Variants in PIEZO2 observed in about 807,000 individuals in gnomAD.
PIEZO2 encodes the protein piezo-type mechanosensitive ion channel component 2.
A neutral mutation model predicts 337.3 loss-of-function variants in PIEZO2; 172 were observed. That is an observed-to-expected ratio of 0.51 (90% CI 0.45 to 0.58). The LOEUF (loss-of-function observed/expected upper bound fraction) is 0.58, where lower values mean the gene tolerates loss of function less well. PIEZO2 is among the 20% of genes least tolerant of loss of function. The pLI, the probability that PIEZO2 is intolerant of heterozygous loss-of-function variation, is 0.00. For missense variants in PIEZO2, 3,028 were observed against 3,391.3 expected, an observed-to-expected ratio of 0.89 and a Z score of 2.66; for synonymous variants, 1,251 against 1,228.5, an observed-to-expected ratio of 1.02 and a Z score of -0.38.
In PIEZO2 at chr18:10,784,639, T is replaced by A. The variant is rs1315464926; in HGVS notation, c.2492+145A>T. 3 of 747,204 alleles carry A rather than the reference T, an allele frequency of 4.0e-6. No homozygotes were observed. The highest frequency in any genetic ancestry group is 4.1e-6 in the Non-Finnish European group (2 of 488,092). 46.3% of individuals were successfully genotyped at this position (747,204 alleles called of 1,614,324 possible). A position where few individuals can be genotyped will look rare whatever the true frequency, so the allele number is the denominator to read the frequency against. On this transcript the variant is annotated intron_variant, in intron 17 of 55. Coordinates refer to ENST00000674853, the MANE Select transcript of PIEZO2 (RefSeq NM_001378183.1). The surrounding 1 kb of genome is among the most constrained non-coding windows in gnomAD (Gnocchi z 4.5). ...TCACAGAATCTTCCACATGTTTTCC[T>A]CTTTTTCTCACAAGCTGATACTCAT...
intron 1 of PIEZO2, among the ~76,000 whole-genome samples, chr18:11,075,276 G>C (rs1344682807): frequency 6.6e-6 from 1 of 151,812 alleles, no homozygotes; most frequent in African/African-American, 2.4e-5. Flanking sequence ...GTTATTTTAT[G>C]AATAGAAAAA....
chr18:10,718,449 T>G (rs1464058802), intron 36 of PIEZO2, among the ~76,000 whole-genome samples, 190 bp from the exon 37 acceptor site: 2 of 152,262 alleles, frequency 1.3e-5, no homozygotes, highest in African/African-American at 4.8e-5. Flanking sequence ...ATAAAAATTA[T>G]GTAAATCAAG....
intron 2 of PIEZO2, among the ~76,000 whole-genome samples, chr18:11,041,641 T>C (rs2037125243): frequency 6.6e-6 from 1 of 152,370 alleles, no homozygotes; most frequent in East Asian, 1.9e-4. Flanking sequence ...CTACATTTTT[T>C]CATCATTTTT....
Position 10,850,277 on chromosome 18 carries a change from G to T in PIEZO2, c.917+5076C>A, listed in dbSNP as rs1355320479. Among the ~76,000 whole-genome samples, 1 of 152,158 alleles carries T rather than the reference G, an allele frequency of 6.6e-6. No individual in the cohort carries two copies. Among genetic ancestry groups the T allele is most frequent in the Admixed American group, 6.5e-5 (1 of 15,280 alleles). On this transcript the variant is annotated intron_variant, in intron 7 of 55. Transcript: ENST00000674853. This position sits in a 1 kb window ranked among gnomAD's most constrained non-coding sequence, Gnocchi z 4.5. The stretch of plus-strand genomic sequence containing the variant: ...GGTGAAAAGAAGGGATTACTCTAGA[G>T]AAAAATGAAACTCCAGCCCTGTGCC...
intron 40 of PIEZO2, among the ~76,000 whole-genome samples, chr18:10,706,364 C>T (rs1291039065): frequency 2.0e-5 from 3 of 152,160 alleles, no homozygotes; most frequent in African/African-American, 7.2e-5. Flanking sequence ...CTGTGCATCC[C>T]GTCTGCGGAA....
chr18:10,992,164 CT>C (rs1321723576), intron 2 of PIEZO2, among the ~76,000 whole-genome samples: 1 of 152,100 alleles, frequency 6.6e-6, no homozygotes, highest in Non-Finnish European at 1.5e-5. Context: ...CAAAAATTTT[CT>C]CCCATTCTGT....
intron 28 of PIEZO2, among the ~76,000 whole-genome samples, chr18:10,752,408 A>G (rs983781537): frequency 6.6e-6 from 1 of 152,248 alleles, no homozygotes; most frequent in African/African-American, 2.4e-5. Flanking sequence ...CTATGAACAC[A>G]TATCCTTTAG....
At chr18:11,141,545 T>C (rs1451934579) in intron 1 of PIEZO2, among the ~76,000 whole-genome samples, 1 of 152,126 alleles carries the variant, frequency 6.6e-6, no homozygotes, top group Non-Finnish European at 1.5e-5. Flanking sequence ...AGATGAAAAC[T>C]TAAGGGCAAA....
At chr18:10,960,952 G>A (rs2033748145) in intron 3 of PIEZO2, among the ~76,000 whole-genome samples, 1 of 152,156 alleles carries the variant, frequency 6.6e-6, no homozygotes, top group Non-Finnish European at 1.5e-5. Flanking sequence ...GCTGAGGCGG[G>A]CGGATCATGA....
chr18:10,969,871 G>A lies in PIEZO2; in HGVS notation c.286+9664C>T, dbSNP rs1388756002. ...GAATCGGTCACAAAACAAAGCAAGA[G>A]AGTCATCAAATTTTGTCTTTGCCAT... On this transcript the variant is annotated intron_variant, in intron 3 of 55. Transcript: ENST00000674853. This position sits in a 1 kb window ranked among gnomAD's most constrained non-coding sequence, Gnocchi z 4.5. Among the ~76,000 whole-genome samples the A allele has an allele frequency of 2.0e-5, 3 of 151,950 alleles. No homozygotes were observed. Among genetic ancestry groups the A allele is most frequent in the Non-Finnish European group, 2.9e-5 (2 of 68,026 alleles).
intron 47 of PIEZO2, 74 bp from the exon 48 acceptor site, chr18:10,691,457 A>G: frequency 6.9e-7 from 1 of 1,457,518 alleles, no homozygotes; most frequent in Non-Finnish European, 9.4e-7. Flanking sequence ...TGTCAAATTA[A>G]AACAACAGGC....
At chr18:10,893,429 C>T (rs2042810569) in intron 4 of PIEZO2, among the ~76,000 whole-genome samples, 2 of 151,710 alleles carry the variant, frequency 1.3e-5, no homozygotes, top group Non-Finnish European at 2.9e-5. Context: ...TCTTCCCTTC[C>T]CTGTGCAAAT....
chr18:10,927,856 A>AT (rs2031841904), intron 3 of PIEZO2, among the ~76,000 whole-genome samples: 1 of 152,064 alleles, frequency 6.6e-6, no homozygotes, highest in Non-Finnish European at 1.5e-5. Context: ...GCTTTATTTT[A>AT]TTTTATACTC....
intron 3 of PIEZO2, among the ~76,000 whole-genome samples, chr18:10,931,073 C>T (rs545635019): frequency 6.6e-6 from 1 of 152,214 alleles, no homozygotes; most frequent in South Asian, 2.1e-4. Context: ...GTGCAAGTCA[C>T]TCATGATTTG....
intron 3 of PIEZO2, among the ~76,000 whole-genome samples, chr18:10,928,014 C>G (rs1406476218): frequency 6.6e-6 from 1 of 152,096 alleles, no homozygotes. Context: ...CACAAGCATA[C>G]CCTTCCTTAA....
At chr18:10,799,119 G>A (rs1165217442) in intron 11 of PIEZO2, among the ~76,000 whole-genome samples, 1 of 152,222 alleles carries the variant, frequency 6.6e-6, no homozygotes, top group Non-Finnish European at 1.5e-5. Flanking sequence ...ATGAAGAACA[G>A]ACATGAGAAT....
intron 7 of PIEZO2, among the ~76,000 whole-genome samples, chr18:10,849,217 G>A (rs916993809): frequency 6.6e-6 from 1 of 152,126 alleles, no homozygotes; most frequent in Non-Finnish European, 1.5e-5. Context: ...TTGCCATGTT[G>A]GCCATGCTGG....
chr18:10,882,712 T>C (rs769040375), intron 4 of PIEZO2, among the ~76,000 whole-genome samples: 2 of 152,154 alleles, frequency 1.3e-5, no homozygotes, highest in African/African-American at 2.4e-5. Flanking sequence ...GGACATGGGA[T>C]GGTTGTCTTT....
Position 10,741,906 on chromosome 18 carries a change from C to A in PIEZO2, c.4636+588G>T, listed in dbSNP as rs190275640. Among the ~76,000 whole-genome samples the A allele has an allele frequency of 3.0e-3, 459 of 152,182 alleles. 2 individuals are homozygous for A. Among genetic ancestry groups the A allele is most frequent in the African/African-American group, 0.01 (423 of 41,532 alleles). ...CGGTGGCTCACGCCTGTAATCCCAG[C>A]ACTTTGGGAGGCCGAGGTGGGCGGA... is the stretch of plus-strand genomic sequence containing the variant. On this transcript the variant is annotated intron_variant, in intron 32 of 55. Transcript: ENST00000674853.
Sources: gnomAD v4.1 joint callset for allele counts (sites outside exome capture counted in the v4.1 genomes callset) on GRCh38, gnomAD v4.1.1 for gene constraint, Gnocchi (gnomAD v3.1) non-coding constraint, MANE v1.5 for transcripts, NCBI Gene and HGNC (gene_info 2026-07-23, HGNC 2026-07-21) for gene names.